The following SLC26A1 variants were observed in gnomAD, a reference collection of about 807,000 sequenced individuals.
The protein encoded by SLC26A1 is sulfate anion transporter 1.
Under a neutral mutation model 14.5 loss-of-function variants are expected in SLC26A1, and 18 were observed. That is an observed-to-expected ratio of 1.24 (90% CI 0.86 to 1.84). The LOEUF is 1.84. Ranked by LOEUF, SLC26A1 falls within the 40% of genes most tolerant of loss-of-function variation. The probability of loss-of-function intolerance (pLI) is 0.00; values close to 1 mark genes in which losing one functional copy is unlikely to be tolerated. For synonymous variants in SLC26A1, 505 were observed against 492.0 expected, an observed-to-expected ratio of 1.03 and a Z score of -0.35; for missense variants, 1,049 against 1,020.0, an observed-to-expected ratio of 1.03 and a Z score of -0.39.
In SLC26A1 at chr4:990,123, C is replaced by T. The variant is rs139361937; in HGVS notation, c.816G>A (p.Ala272=). The T allele has an allele frequency of 2.1e-5, 33 of 1,578,720 alleles. No homozygotes were observed. The highest frequency in any genetic ancestry group is 1.7e-4 in the Middle Eastern group (1 of 6,042). Residue 272 remains alanine (A), a synonymous_variant, in exon 3 of 3, where the codon GCG becomes GCA. Coordinates refer to ENST00000398516, the MANE Select transcript of SLC26A1 (RefSeq NM_022042.4). ...AGAGCTCCTTCGCGGCTAGCAGCAC[C>T]GCCAGGCACACCGTGCTGGTGACCA... ...CDVVTSTVCL[A]VLLAAKELSD...
Position 988,342 on chromosome 4 carries a change from A to C in SLC26A1, c.*491T>G. The C allele has an allele frequency of 9.2e-7, 1 of 1,083,414 alleles. No homozygotes were observed. Among genetic ancestry groups the C allele is most frequent in the Non-Finnish European group, 1.1e-6 (1 of 890,788 alleles). The allele number at this position is 1,083,414 out of a possible 1,614,324, so 67.1% of individuals were successfully genotyped here. Reference sequence around the variant, plus strand: ...TGCAGGTGGCCACCCTGTGAGGGGGAGGCACGAGGTGTGAGGGGCACTTGG... The same window carrying C: ...TGCAGGTGGCCACCCTGTGAGGGGGCGGCACGAGGTGTGAGGGGCACTTGG... On this transcript the variant is annotated 3_prime_UTR_variant, in exon 3 of 3. Coordinates refer to ENST00000398516, the MANE Select transcript of SLC26A1 (RefSeq NM_022042.4).
chr4:987,053 C>G (rs1713770316), downstream of SLC26A1: 3 of 1,517,006 alleles, frequency 2.0e-6, no homozygotes, highest in Non-Finnish European at 2.6e-6. Context: ...CAGTGCAGCC[C>G]GAAGCCCCGC....
At chr4:981,294 T>C (rs1713534030) in intron 2 of SLC26A1, among the ~76,000 whole-genome samples, 1 of 152,198 alleles carries the variant, frequency 6.6e-6, no homozygotes, top group South Asian at 2.1e-4. Flanking sequence ...TGGCAACATA[T>C]TCCTCGTTTC....
At chr4:991,092 C>G in intron 2 of SLC26A1, 36 bp downstream of exon 2, 1 of 1,512,214 alleles carries the variant, frequency 6.6e-7, no homozygotes. Flanking sequence ...GGGGGGTGCC[C>G]TGGGCCCCTC....
In SLC26A1 at chr4:989,157, G is replaced by T. The variant is rs1714001795; in HGVS notation, c.1782C>A (p.Gly594=). The T allele has an allele frequency of 1.2e-6, 2 of 1,607,474 alleles. No individual in the cohort carries two copies. Among genetic ancestry groups the T allele is most frequent in the Non-Finnish European group, 1.7e-6 (2 of 1,176,594 alleles). The change falls in exon 3 of 3, where the codon GGC becomes GGA. Residue 594 remains glycine, a synonymous_variant. Coordinates refer to ENST00000398516, the MANE Select transcript of SLC26A1 (RefSeq NM_022042.4). ...EGGPAQGEDL[G]PVSTRAALVP... ...CCAGCGCAGCCCTGGTGCTAACCGGGCCCAGGTCCTCGCCCTGGGCAGGGC... is the reference window on the plus strand; with the variant it reads ...CCAGCGCAGCCCTGGTGCTAACCGGTCCCAGGTCCTCGCCCTGGGCAGGGC...
chr4:991,874 C>T (rs963110878), intron 1 of SLC26A1, 144 bp from the exon 2 acceptor site: 145 of 1,458,358 alleles, frequency 9.9e-5, no homozygotes, highest in Middle Eastern at 1.7e-4. Context: ...CCTGGCAGCG[C>T]GGGCCCCAGC....
rs139983264 is a variant in SLC26A1 at position 987,974 on chromosome 4, G to A, written c.*859C>T. ...GGTGGGCGGCGGGCAGGGTCTGGGC[G>A]TCCCAGAGCCCCTTACAGAGGCACA... On this transcript the variant is annotated 3_prime_UTR_variant, in exon 3 of 3. Coordinates refer to ENST00000398516, the MANE Select transcript of SLC26A1 (RefSeq NM_022042.4). The A allele has an allele frequency of 5.5e-5, 85 of 1,550,280 alleles. No homozygotes were observed. The highest frequency in any genetic ancestry group is 6.5e-5 in the Non-Finnish European group (75 of 1,146,454).
Position 991,141 on chromosome 4 carries a change from G to T in SLC26A1, c.563C>A (p.Thr188Asn). Residue 188 changes from threonine (T) to asparagine (N), a missense_variant, in exon 2 of 3, where the codon ACC becomes AAC. Transcript: ENST00000398516. ...IRVATALTLMTGLYQVLMGVL... is the reference protein window; with the variant it reads ...IRVATALTLMNGLYQVLMGVL... ...AGGGCTCCTCACCTGGTAAAGCCCG[G>T]TCATCAGCGTGAGGGCGGTGGCGAC... 1.3e-6 allele frequency: 2 copies of T among 1,544,118 alleles called. No homozygotes were observed. Among genetic ancestry groups the T allele is most frequent in the Non-Finnish European group, 1.8e-6 (2 of 1,142,326 alleles).
exon 3 of SLC26A1, chr4:979,273 G>A (rs915699725): frequency 1.6e-6 from 1 of 636,772 alleles, no homozygotes; most frequent in Non-Finnish European, 2.8e-6. Context: ...TGGCCAGGTT[G>A]AGGGGCTGCC....
rs761530861 is a variant in SLC26A1, at chr4:989,859, C to T, written c.1080G>A (p.Ala360=). 14 of 1,576,500 alleles carry T rather than the reference C, an allele frequency of 8.9e-6. No homozygotes were observed. Among genetic ancestry groups the T allele is most frequent in the South Asian group, 3.5e-5 (3 of 86,166 alleles). ...LVAAAFSISL[A]EMFARSHGYS... The stretch of plus-strand genomic sequence containing the variant: ...AGCCGTGACTGCGGGCGAACATCTC[C>T]GCCAGCGAGATGGAGAAGGCGGCAG... The change falls in exon 3 of 3, where the codon GCG becomes GCA. Residue 360 remains alanine (A), a synonymous_variant. Transcript: ENST00000398516.
intron 2 of SLC26A1, among the ~76,000 whole-genome samples, chr4:981,677 T>G (rs902631541): frequency 3.9e-5 from 6 of 152,192 alleles, no homozygotes; most frequent in South Asian, 4.1e-4. Context: ...CTCTCGTTAG[T>G]GCTCTCAGAG....
chr4:988,103 G>C lies in SLC26A1; in HGVS notation c.*730C>G, dbSNP rs1236753001. 2.8e-6 allele frequency: 4 copies of C among 1,441,118 alleles called. No individual in the cohort carries two copies. The highest frequency in any genetic ancestry group is 3.6e-6 in the Non-Finnish European group (4 of 1,097,854). The allele number at this position is 1,441,118 out of a possible 1,614,324, so 89.3% of individuals were successfully genotyped here. Reference sequence around the variant, plus strand: ...GCGTGTCCTTGCTGGCTGTGCTGGGGTGAGGGCTGTGTGCTGGAGGGAGCC... The same window carrying C: ...GCGTGTCCTTGCTGGCTGTGCTGGGCTGAGGGCTGTGTGCTGGAGGGAGCC... On this transcript the variant is annotated 3_prime_UTR_variant, in exon 3 of 3. Transcript: ENST00000398516.
At chr4:981,509 C>T (rs1417215288) in intron 2 of SLC26A1, among the ~76,000 whole-genome samples, 1 of 152,098 alleles carries the variant, frequency 6.6e-6, no homozygotes, top group African/African-American at 2.4e-5. Flanking sequence ...CAGGCATGTG[C>T]TGCCTGCAGT....
At position 989,459 on chromosome 4, in the gene SLC26A1, C is replaced by T. The variant is rs199694618; in HGVS notation, c.1480G>A (p.Val494Ile). 2.2e-4 allele frequency: 346 copies of T among 1,553,662 alleles called. 3 individuals carry two copies. The South Asian group carries it at 3.6e-3, about 16-fold the overall frequency. The change falls in exon 3 of 3, where the codon GTC becomes ATC. Residue 494 changes from valine to isoleucine, a missense_variant. Val to Ile is a conservative substitution (Grantham distance 29). Transcript: ENST00000398516. ...GCCAGGCTGAGCAGCGAGAGGATGACGCCAGCCAGCAGCCCGGCCTCTGTG... is the reference window on the plus strand; with the variant it reads ...GCCAGGCTGAGCAGCGAGAGGATGATGCCAGCCAGCAGCCCGGCCTCTGTG... ...VSTEAGLLAG[V>I]ILSLLSLAGR...
At chr4:986,006 A>C (rs910892608), downstream of SLC26A1, among the ~76,000 whole-genome samples, 4 of 151,712 alleles carry the variant, frequency 2.6e-5, no homozygotes, top group Non-Finnish European at 5.9e-5. Context: ...CTCAGCCTTG[A>C]ACTCCTAAGC....
In SLC26A1 at chr4:989,284, T is replaced by C. The variant is rs754406748; in HGVS notation, c.1655A>G (p.Asp552Gly). The C allele has an allele frequency of 3.0e-5, 49 of 1,612,466 alleles. No individual in the cohort carries two copies. The Admixed American group carries it at 8.2e-4, about 27-fold the overall frequency. Reference sequence around the variant, plus strand: ...GCTGTAGAGTGACTGCAGGAAGAAGTCCTTGTTGGCATAGTACAGCGGCCC... The same window carrying C: ...GCTGTAGAGTGACTGCAGGAAGAAGCCCTTGTTGGCATAGTACAGCGGCCC... ...FGGPLYYANK[D>G]FFLQSLYSLT... The change falls in exon 3 of 3, where the codon GAC (aspartate) becomes GGC (glycine). Residue 552 changes from aspartate (D) to glycine (G), a missense_variant. Physicochemically the swap from Asp to Gly is moderately conservative, Grantham distance 94. Transcript: ENST00000398516.
chr4:989,128 G>T lies in SLC26A1; in HGVS notation c.1811C>A (p.Pro604His). 6.2e-7 allele frequency: 1 copy of T among 1,606,966 alleles called. No homozygotes were observed. Among genetic ancestry groups the T allele is most frequent in the Non-Finnish European group, 8.5e-7 (1 of 1,176,740 alleles). ...GPVSTRAALVPAAAGFHTVVI... is the reference protein window; with the variant it reads ...GPVSTRAALVHAAAGFHTVVI... Reference sequence around the variant, plus strand: ...CACTGTGTGGAAGCCGGCCGCTGCGGGCACCAGCGCAGCCCTGGTGCTAAC... The same window carrying T: ...CACTGTGTGGAAGCCGGCCGCTGCGTGCACCAGCGCAGCCCTGGTGCTAAC... Residue 604 changes from proline (P) to histidine (H), a missense_variant, in exon 3 of 3, where the codon CCC (proline) becomes CAC (histidine). Transcript: ENST00000398516.
intron 2 of SLC26A1, 125 bp downstream of exon 2, chr4:991,003 T>C: frequency 2.0e-6 from 2 of 997,704 alleles, no homozygotes; most frequent in Non-Finnish European, 2.9e-6. Flanking sequence ...GCCCAAGCCT[T>C]GCTGTCTTGG....
chr4:987,044 A>G, downstream of SLC26A1: 1 of 1,423,444 alleles, frequency 7.0e-7, no homozygotes, highest in East Asian at 3.3e-5. Context: ...CGGAACCGGC[A>G]GTGCAGCCCG....
Sources: gnomAD v4.1 joint callset for allele counts (sites outside exome capture counted in the v4.1 genomes callset) on GRCh38, gnomAD v4.1.1 for gene constraint, MANE v1.5 for transcripts, NCBI Gene and HGNC (gene_info 2026-07-23, HGNC 2026-07-21) for gene names.